SLC8A2: variants seen among roughly 807,000 people sequenced by gnomAD.
SLC8A2 encodes solute carrier family 8 member A2, also known as sodium/calcium exchanger 2.
In SLC8A2, 14 loss-of-function variants were observed where a neutral mutation model predicts 70.2. The ratio of observed to expected loss-of-function variants is 0.20; its 90% confidence interval spans 0.13 to 0.31. The LOEUF (loss-of-function observed/expected upper bound fraction) is 0.31. Among genes scored for constraint, SLC8A2 ranks in the 10% least tolerant of loss-of-function variants. SLC8A2 has a pLI of 1.00. For synonymous variants in SLC8A2, 575 were observed against 594.3 expected (o/e 0.97, Z 0.47); for missense variants, 779 against 1,320.1 (o/e 0.59, Z 6.35).
In SLC8A2 at chr19:47,447,658, G is replaced by T; in HGVS notation, c.1763+151C>A. ...GTCACAGGCCCCGCCCACGTTGCGG[G>T]CACGGCCACGCAGGCCCCTCCCCTC... is the stretch of plus-strand genomic sequence containing the variant. On this transcript the variant is annotated intron_variant, in intron 4 of 9. Coordinates refer to ENST00000236877, the MANE Select transcript of SLC8A2 (RefSeq NM_015063.3). The surrounding 1 kb of genome is among the most constrained non-coding windows in gnomAD (Gnocchi z 5.1). 7 of 762,350 alleles carry T rather than the reference G, an allele frequency of 9.2e-6. No homozygotes were observed. Among genetic ancestry groups the T allele is most frequent in the Non-Finnish European group, 1.4e-5 (7 of 506,774 alleles). The allele number at this position is 762,350 out of a possible 1,614,324, so 47.2% of individuals were successfully genotyped here.
intron 3 of SLC8A2, among the ~76,000 whole-genome samples, chr19:47,451,335 G>A (rs759772603): frequency 6.7e-6 from 1 of 148,466 alleles, no homozygotes; most frequent in Non-Finnish European, 1.5e-5. Flanking sequence ...TTGAGACAGG[G>A]TCTTGTTCTG....
At chr19:47,452,437 A>AGT (rs1967252202) in intron 3 of SLC8A2, among the ~76,000 whole-genome samples, 2 of 87,322 alleles carry the variant, frequency 2.3e-5, no homozygotes, top group African/African-American at 1.0e-4. Flanking sequence ...AGAGAGAGAG[A>AGT]GAGAGAGAGT....
In SLC8A2 at chr19:47,429,827, T is replaced by C. The variant is rs763254224; in HGVS notation, c.*262A>G. The C allele has an allele frequency of 7.7e-5, 43 of 561,244 alleles. No homozygotes were observed. The highest frequency in any genetic ancestry group is 1.3e-4 in the Non-Finnish European group (41 of 317,992). The allele number at this position is 561,244 out of a possible 1,614,324, so 34.8% of individuals were successfully genotyped here. A position where few individuals can be genotyped will look rare whatever the true frequency, so the allele number is the denominator to read the frequency against. ...TGGGGTGGAAATTTCCCCAGGGATA[T>C]AGACGGTCACCAACAGGATGGGCTG... is the stretch of plus-strand genomic sequence containing the variant. On this transcript the variant is annotated 3_prime_UTR_variant, in exon 10 of 10. Transcript: ENST00000236877.
chr19:47,431,285 G>GC (rs997167313), intron 9 of SLC8A2, among the ~76,000 whole-genome samples: 17 of 151,876 alleles, frequency 1.1e-4, no homozygotes, highest in African/African-American at 2.4e-4. Flanking sequence ...CCCTGCCTTG[G>GC]CCCCCCGCCT....
intron 6 of SLC8A2, 78 bp downstream of exon 6, chr19:47,441,091 C>T (rs767053515): frequency 3.1e-5 from 44 of 1,401,960 alleles, no homozygotes; most frequent in Non-Finnish European, 3.8e-5. Flanking sequence ...GGAAGAGTAG[C>T]TTTGGGGCTG....
At position 47,437,446 on chromosome 19, in the gene SLC8A2, C is replaced by G; in HGVS notation, c.2110+16G>C. The G allele has an allele frequency of 6.6e-7, 1 of 1,504,372 alleles. No individual in the cohort carries two copies. Among genetic ancestry groups the G allele is most frequent in the Non-Finnish European group, 9.3e-7 (1 of 1,080,056 alleles). 93.2% of individuals were successfully genotyped at this position (1,504,372 alleles called of 1,614,324 possible). On this transcript the variant is annotated intron_variant, in intron 8 of 9. Transcript: ENST00000236877. ...TCTCCATCTTTCTCTCTTCTCTCTCCTCCCTCCCCACTTACCTGCGCTCAC... is the reference window on the plus strand; with the variant it reads ...TCTCCATCTTTCTCTCTTCTCTCTCGTCCCTCCCCACTTACCTGCGCTCAC...
At chr19:47,433,902 C>T (rs1966994494) in intron 8 of SLC8A2, among the ~76,000 whole-genome samples, 1 of 152,132 alleles carries the variant, frequency 6.6e-6, no homozygotes, top group South Asian at 2.1e-4. Flanking sequence ...CCTAGGCCTC[C>T]CAAAGTTTTG....
intron 1 of SLC8A2, among the ~76,000 whole-genome samples, chr19:47,469,172 GA>G (rs763171759): frequency 1.3e-4 from 19 of 151,952 alleles, no homozygotes; most frequent in Non-Finnish European, 2.6e-4. Context: ...GGGTGGGGGA[GA>G]GGGGTGATTC....
intron 4 of SLC8A2, among the ~76,000 whole-genome samples, chr19:47,444,646 G>A (rs779793840): frequency 1.3e-5 from 2 of 152,190 alleles, no homozygotes; most frequent in Non-Finnish European, 2.9e-5. Flanking sequence ...GACATGCTGC[G>A]ATCCGCTGAC....
chr19:47,432,532 A>C lies in SLC8A2; in HGVS notation c.2111-87T>G. ...CCATTTTGTCTAACTTCCTGACAGC[A>C]AGTCCCATTGAATGAACTTCTTTCC... On this transcript the variant is annotated intron_variant, in intron 8 of 9. Transcript: ENST00000236877. The surrounding 1 kb of genome is among the most constrained non-coding windows in gnomAD (Gnocchi z 6.2). 1.5e-6 allele frequency: 2 copies of C among 1,335,826 alleles called. No individual in the cohort carries two copies. The highest frequency in any genetic ancestry group is 4.9e-5 in the East Asian group (2 of 41,060). 82.7% of individuals were successfully genotyped at this position (1,335,826 alleles called of 1,614,324 possible).
rs768704596 is a variant in SLC8A2 at position 47,468,840 on chromosome 19, T to G, written c.-16-2421A>C. On this transcript the variant is annotated intron_variant, in intron 1 of 9. Transcript: ENST00000236877. The surrounding 1 kb of genome is among the most constrained non-coding windows in gnomAD (Gnocchi z 5.1). Reference sequence around the variant, plus strand: ...TCTGAGCTCCTCCGCCCCACCCTCATGTTGCCATGGTAACCCAGTGGCTTA... The same window carrying G: ...TCTGAGCTCCTCCGCCCCACCCTCAGGTTGCCATGGTAACCCAGTGGCTTA... Among the ~76,000 whole-genome samples, 1 of 152,142 alleles carries G rather than the reference T, an allele frequency of 6.6e-6. No homozygotes were observed. The highest frequency in any genetic ancestry group is 2.4e-5 in the African/African-American group (1 of 41,416).
chr19:47,458,502 C>T (rs1967345823), intron 2 of SLC8A2, among the ~76,000 whole-genome samples: 1 of 142,020 alleles, frequency 7.0e-6, no homozygotes, highest in African/African-American at 2.6e-5. Flanking sequence ...GCCTCTCCCC[C>T]ACTTCTCTCC....
rs1479859864 is a variant in SLC8A2, at chr19:47,448,277, T to A, written c.1341-46A>T. ...GGAAGAGCGGGGTGAGGGTCGGTCATCGGCTGTGTGTTGTACGGGGGGAGT... is the reference window on the plus strand; with the variant it reads ...GGAAGAGCGGGGTGAGGGTCGGTCAACGGCTGTGTGTTGTACGGGGGGAGT... On this transcript the variant is annotated intron_variant, in intron 3 of 9. Coordinates refer to ENST00000236877, the MANE Select transcript of SLC8A2 (RefSeq NM_015063.3). The surrounding 1 kb of genome is among the most constrained non-coding windows in gnomAD (Gnocchi z 4.8). 6.7e-7 allele frequency: 1 copy of A among 1,485,834 alleles called. No individual in the cohort carries two copies. Among genetic ancestry groups the A allele is most frequent in the Non-Finnish European group, 9.2e-7 (1 of 1,090,776 alleles). 92.0% of individuals were successfully genotyped at this position (1,485,834 alleles called of 1,614,324 possible). A position where few individuals can be genotyped will look rare whatever the true frequency, so the allele number is the denominator to read the frequency against.
chr19:47,437,089 C>T (rs1967038837), intron 8 of SLC8A2, among the ~76,000 whole-genome samples: 1 of 152,184 alleles, frequency 6.6e-6, no homozygotes, highest in South Asian at 2.1e-4. Context: ...TCCTCATCTA[C>T]CTGCCTCTCC....
chr19:47,466,287 G>T lies in SLC8A2; in HGVS notation c.117C>A (p.Ser39Arg). 2 of 1,531,656 alleles carry T rather than the reference G, an allele frequency of 1.3e-6. No homozygotes were observed. 94.9% of individuals were successfully genotyped at this position (1,531,656 alleles called of 1,614,324 possible). A position where few individuals can be genotyped will look rare whatever the true frequency, so the allele number is the denominator to read the frequency against. The change falls in exon 2 of 10, where the codon AGC (serine) becomes AGA (arginine). Residue 39 changes from serine (S) to arginine (R), a missense_variant. Transcript: ENST00000236877. This position sits in a 1 kb window ranked among gnomAD's most constrained non-coding sequence, Gnocchi z 6.9. ...GGTAGGACCCCTGGCAGCCCCCTGT[G>T]CTGGTGTCGCTGTCATTGGCCGGGG... The part of the protein sequence containing the change: ...PPPPANDSDT[S>R]TGGCQGSYRC...
chr19:47,436,870 A>G (rs1340486801), intron 8 of SLC8A2, among the ~76,000 whole-genome samples: 1 of 152,048 alleles, frequency 6.6e-6, no homozygotes, highest in Non-Finnish European at 1.5e-5. Flanking sequence ...GGTAGGAAAG[A>G]GCTCGGTGCC....
At chr19:47,441,821 A>C (rs1305758800) in intron 4 of SLC8A2, among the ~76,000 whole-genome samples, 2 of 152,182 alleles carry the variant, frequency 1.3e-5, no homozygotes, top group Non-Finnish European at 2.9e-5. Context: ...TTTAAAAAAT[A>C]GGCCGGGCAC....
intron 8 of SLC8A2, among the ~76,000 whole-genome samples, chr19:47,434,241 T>C (rs1035010801): frequency 6.6e-6 from 1 of 152,212 alleles, no homozygotes; most frequent in African/African-American, 2.4e-5. Flanking sequence ...CCTGCCCTGC[T>C]TCAAATCCTT....
Position 47,447,892 on chromosome 19 carries a change from G to A in SLC8A2, c.1680C>T (p.Arg560=), listed in dbSNP as rs1390812904. The A allele has an allele frequency of 6.3e-7, 1 of 1,591,014 alleles. No homozygotes were observed. Among genetic ancestry groups the A allele is most frequent in the Non-Finnish European group, 8.5e-7 (1 of 1,171,326 alleles). The change falls in exon 4 of 10, where the codon CGC becomes CGT. Residue 560 remains arginine (R), a synonymous_variant. Transcript: ENST00000236877. The surrounding 1 kb of genome is among the most constrained non-coding windows in gnomAD (Gnocchi z 5.1). The part of the protein sequence containing the change: ...GARGTVRLPY[R]TVDGTARGGG... ...CGCCGCGCGCCGTGCCGTCCACCGT[G>A]CGGTAGGGAAGGCGCACGGTGCCGC...
Sources: allele counts gnomAD v4.1 joint callset (sites outside exome capture counted in the v4.1 genomes callset), GRCh38; gene constraint gnomAD v4.1.1; non-coding constraint Gnocchi (gnomAD v3.1); transcripts MANE v1.5; gene names NCBI Gene and HGNC (gene_info 2026-07-23, HGNC 2026-07-21).